The following HTR1F variants were observed in gnomAD, a reference collection of about 807,000 sequenced individuals.
The protein encoded by HTR1F is 5-hydroxytryptamine (serotonin) receptor 1F, G protein-coupled.
A neutral mutation model predicts 24.0 loss-of-function variants in HTR1F; 17 were observed. That is an observed-to-expected ratio of 0.71 (90% CI 0.48 to 1.06). The LOEUF (loss-of-function observed/expected upper bound fraction) is 1.06. HTR1F is among the 50% of genes least tolerant of loss of function. HTR1F has a pLI of 0.00. For missense variants in HTR1F, 391 were observed against 427.8 expected (o/e 0.91, Z 0.76); for synonymous variants, 186 against 156.8 (o/e 1.19, Z -1.39).
intron 2 of HTR1F, among the ~76,000 whole-genome samples, chr3:87,876,157 G>C (rs548027689): frequency 6.6e-6 from 1 of 152,124 alleles, no homozygotes; most frequent in African/African-American, 2.4e-5. Flanking sequence ...GATCATGGGC[G>C]TATAAAACAG....
intron 2 of HTR1F, among the ~76,000 whole-genome samples, chr3:87,905,143 GA>G (rs958026147): frequency 3.7e-4 from 55 of 148,420 alleles, no homozygotes; most frequent in Admixed American, 3.4e-3. Context: ...CCCTGTCTCT[GA>G]AAAAAAAAAT....
rs1705867348 is a variant in HTR1F, at chr3:87,992,880, T to C, written c.*1030T>C. ...CTTTCCCTTTACTTTAAAATATTTC[T>C]ACTTTTCCAATTGGTAGAAATGAAC... On this transcript the variant is annotated 3_prime_UTR_variant, in exon 3 of 3. Coordinates refer to ENST00000319595, the MANE Select transcript of HTR1F (RefSeq NM_001322209.2). The C allele has an allele frequency of 6.0e-6, 1 of 166,972 alleles. No homozygotes were observed. Among genetic ancestry groups the C allele is most frequent in the Non-Finnish European group, 1.5e-5 (1 of 68,084 alleles). The allele number at this position is 166,972 out of a possible 1,614,324, so 10.3% of individuals were successfully genotyped here.
In HTR1F at chr3:87,838,907, C is replaced by T. The variant is rs1181662989; in HGVS notation, c.-43+16783C>T. ...TTGAGTAGTTTGAGTTTCTTGTATACTTTTGATATTAATTGCTTACCTGCT... is the reference window on the plus strand; with the variant it reads ...TTGAGTAGTTTGAGTTTCTTGTATATTTTTGATATTAATTGCTTACCTGCT... On this transcript the variant is annotated intron_variant, in intron 2 of 2. Coordinates refer to ENST00000319595, the MANE Select transcript of HTR1F (RefSeq NM_001322209.2). Among the ~76,000 whole-genome samples, 3 of 151,246 alleles carry T rather than the reference C, an allele frequency of 2.0e-5. No homozygotes were observed. In the South Asian group the frequency reaches 6.2e-4, roughly 31 times the overall value.
At chr3:87,934,965 A>G (rs1367396325) in intron 2 of HTR1F, among the ~76,000 whole-genome samples, 1 of 152,158 alleles carries the variant, frequency 6.6e-6, no homozygotes, top group Non-Finnish European at 1.5e-5. Context: ...TTCTGGGCTC[A>G]AGTGATCCTC....
chr3:87,901,555 G>A (rs934578663), intron 2 of HTR1F, among the ~76,000 whole-genome samples: 3 of 151,916 alleles, frequency 2.0e-5, no homozygotes, highest in African/African-American at 7.3e-5. Context: ...ACTTCTTAAG[G>A]GGCTTACTTC....
Position 87,991,122 on chromosome 3 carries a change from A to G in HTR1F, c.373A>G (p.Ile125Val). ...TATAGCTTTGGATCGGTATCGAGCAATCACAGATGCTGTTGAGTATGCCAG... is the reference window on the plus strand; with the variant it reads ...TATAGCTTTGGATCGGTATCGAGCAGTCACAGATGCTGTTGAGTATGCCAG... ...SAIALDRYRA[I>V]TDAVEYARKR... is the part of the protein sequence containing the mutation. Residue 125 changes from isoleucine to valine, a missense_variant, in exon 3 of 3, where the codon ATC (isoleucine) becomes GTC (valine). Ile to Val is a conservative substitution (Grantham distance 29). Transcript: ENST00000319595. 1 of 1,614,082 alleles carries G rather than the reference A, an allele frequency of 6.2e-7. No individual in the cohort carries two copies. The highest frequency in any genetic ancestry group is 1.1e-5 in the South Asian group (1 of 91,084).
intron 2 of HTR1F, among the ~76,000 whole-genome samples, chr3:87,877,023 A>G (rs1446543001): frequency 3.9e-5 from 6 of 152,188 alleles, no homozygotes; most frequent in Non-Finnish European, 7.4e-5. Context: ...CTAGGATATT[A>G]AATATGCAGT....
At chr3:87,818,770 C>T (rs1378899545) in intron 1 of HTR1F, among the ~76,000 whole-genome samples, 5 of 152,162 alleles carry the variant, frequency 3.3e-5, no homozygotes, top group Non-Finnish European at 7.4e-5. Context: ...AAGGCACTCA[C>T]TCAGGGTTGG....
At chr3:87,927,009 G>A (rs1704141190) in intron 2 of HTR1F, among the ~76,000 whole-genome samples, 2 of 150,734 alleles carry the variant, frequency 1.3e-5, no homozygotes, top group Non-Finnish European at 2.9e-5. Context: ...AGAATCTGCT[G>A]TCACTGCTTT....
At chr3:87,880,581 A>T (rs779475372) in intron 2 of HTR1F, among the ~76,000 whole-genome samples, 2 of 152,132 alleles carry the variant, frequency 1.3e-5, no homozygotes, top group African/African-American at 4.8e-5. Context: ...ATTCATTGAT[A>T]CCTAAAATTA....
At chr3:87,798,056 G>T (rs956529161) in intron 1 of HTR1F, among the ~76,000 whole-genome samples, 1 of 152,194 alleles carries the variant, frequency 6.6e-6, no homozygotes, top group South Asian at 2.1e-4. Context: ...GCTTGGGACA[G>T]TTGCATGTAC....
At chr3:87,888,692 C>T (rs1706012917) in intron 2 of HTR1F, among the ~76,000 whole-genome samples, 1 of 152,082 alleles carries the variant, frequency 6.6e-6, no homozygotes, top group African/African-American at 2.4e-5. Context: ...TCTCTTTCTT[C>T]TTGATTCCTT....
intron 2 of HTR1F, among the ~76,000 whole-genome samples, chr3:87,858,386 G>A (rs990074198): frequency 1.3e-5 from 2 of 152,152 alleles, no homozygotes; most frequent in African/African-American, 4.8e-5. Flanking sequence ...CAGCCATCGT[G>A]TTACATTGTT....
intron 1 of HTR1F, among the ~76,000 whole-genome samples, chr3:87,813,690 TACTC>T (rs1360790740): frequency 6.6e-6 from 1 of 152,196 alleles, no homozygotes; most frequent in Non-Finnish European, 1.5e-5. Flanking sequence ...GGACCAGTAA[TACTC>T]ACATGTCGAG....
chr3:87,984,203 G>C (rs750149403), intron 2 of HTR1F, among the ~76,000 whole-genome samples: 1 of 152,164 alleles, frequency 6.6e-6, no homozygotes, highest in South Asian at 2.1e-4. Context: ...ACCTGCAAAG[G>C]CTTTCCCTGT....
At chr3:87,824,973 T>C (rs1392687476) in intron 2 of HTR1F, among the ~76,000 whole-genome samples, 1 of 152,198 alleles carries the variant, frequency 6.6e-6, no homozygotes, top group African/African-American at 2.4e-5. Context: ...ATTTTGTGTC[T>C]TTCTTCCCAT....
chr3:87,982,168 C>T (rs1345184154), intron 2 of HTR1F, among the ~76,000 whole-genome samples: 1 of 152,134 alleles, frequency 6.6e-6, no homozygotes. Context: ...AGTGATCCAC[C>T]CACCTTGGCC....
At chr3:87,928,690 C>A (rs557252047) in intron 2 of HTR1F, among the ~76,000 whole-genome samples, 1 of 152,214 alleles carries the variant, frequency 6.6e-6, no homozygotes, top group East Asian at 1.9e-4. Flanking sequence ...TGGTTTTGGA[C>A]CATTCATTCT....
At chr3:87,919,396 T>A (rs956921373) in intron 2 of HTR1F, among the ~76,000 whole-genome samples, 3 of 151,850 alleles carry the variant, frequency 2.0e-5, no homozygotes, top group African/African-American at 7.2e-5. Context: ...ACTAAAGAGC[T>A]TTTGCACGGC....
Sources: gnomAD v4.1 joint callset for allele counts (sites outside exome capture counted in the v4.1 genomes callset) on GRCh38, gnomAD v4.1.1 for gene constraint, MANE v1.5 for transcripts, NCBI Gene and HGNC (gene_info 2026-07-23, HGNC 2026-07-21) for gene names.